The following TMEM54 variants were observed in gnomAD, a reference collection of about 807,000 sequenced individuals.
TMEM54 encodes beta-casein-like protein.
Under a neutral mutation model 21.3 loss-of-function variants are expected in TMEM54, and 21 were observed. The observed-to-expected ratio is 0.99, with a 90% CI of 0.70 to 1.42. The LOEUF is 1.42. TMEM54 is among the 40% of genes most tolerant of loss of function. TMEM54 has a pLI of 0.00. For synonymous variants in TMEM54, 109 were observed against 125.0 expected, an observed-to-expected ratio of 0.87 and a Z score of 0.86; for missense variants, 246 against 294.0, an observed-to-expected ratio of 0.84 and a Z score of 1.19.
chr1:32,896,157 ATG>A lies in TMEM54; in HGVS notation c.211-190_211-189del, dbSNP rs1158527364. 8 of 592,824 alleles carry A rather than the reference ATG, an allele frequency of 1.3e-5. No homozygotes were observed. The highest frequency in any genetic ancestry group is 2.3e-5 in the Non-Finnish European group (8 of 343,076). 36.7% of individuals were successfully genotyped at this position (592,824 alleles called of 1,614,324 possible). On this transcript the variant is annotated intron_variant, in intron 2 of 5. Coordinates refer to ENST00000373463, the MANE Select transcript of TMEM54 (RefSeq NM_033504.4). The surrounding 1 kb of genome is among the most constrained non-coding windows in gnomAD (Gnocchi z 4.1). ...CCTCCTCATAGTCCAGCCTGACATG[ATG>A]TTTCTAAAACAGTCACTCCCTCTCT...
chr1:32,895,932 C>T lies in TMEM54; in HGVS notation c.248G>A (p.Arg83His), dbSNP rs555739185. Residue 83 changes from arginine (R) to histidine (H), a missense_variant, in exon 3 of 6, where the codon CGC becomes CAC. Transcript: ENST00000373463. The surrounding 1 kb of genome is among the most constrained non-coding windows in gnomAD (Gnocchi z 5.8). ...TSGIAAIVLSRYLPSTPLRWT... is the reference protein window; with the variant it reads ...TSGIAAIVLSHYLPSTPLRWT... ...TACCAGGGGGGTGCTAGGGAGGTAGCGTGACAACACGATGGCTGCGATGCC... is the reference window on the plus strand; with the variant it reads ...TACCAGGGGGGTGCTAGGGAGGTAGTGTGACAACACGATGGCTGCGATGCC... 639 of 1,613,242 alleles carry T rather than the reference C, an allele frequency of 4.0e-4. 6 individuals are homozygous for T. The South Asian group carries it at 6.5e-3, about 16-fold the overall frequency.
intron 1 of TMEM54, among the ~76,000 whole-genome samples, chr1:32,899,892 A>G (rs1331680689): frequency 1.3e-5 from 2 of 152,194 alleles, no homozygotes; most frequent in Non-Finnish European, 2.9e-5. Flanking sequence ...GCATTGGTCC[A>G]GCCAGTGTCT....
At chr1:32,899,462 G>T (rs369222657) in intron 1 of TMEM54, among the ~76,000 whole-genome samples, 1 of 151,632 alleles carries the variant, frequency 6.6e-6, no homozygotes, top group African/African-American at 2.4e-5. Flanking sequence ...CACTTTGGGA[G>T]GGCAAGGTGG....
chr1:32,901,299 G>C lies in TMEM54; in HGVS notation c.-61C>G. 8 of 1,282,340 alleles carry C rather than the reference G, an allele frequency of 6.2e-6. No individual in the cohort carries two copies. Among genetic ancestry groups the C allele is most frequent in the Non-Finnish European group, 5.0e-6 (5 of 1,008,818 alleles). The allele number at this position is 1,282,340 out of a possible 1,614,324, so 79.4% of individuals were successfully genotyped here. A position where few individuals can be genotyped will look rare whatever the true frequency, so the allele number is the denominator to read the frequency against. On this transcript the variant is annotated 5_prime_UTR_variant, in exon 1 of 6. Transcript: ENST00000373463. This position sits in a 1 kb window ranked among gnomAD's most constrained non-coding sequence, Gnocchi z 4.2. Reference sequence around the variant, plus strand: ...GCGGCTCCCGAGGCTGCGGGCCGCCGGGGGACCCTGCTCCCATCCCGCTGG... The same window carrying C: ...GCGGCTCCCGAGGCTGCGGGCCGCCCGGGGACCCTGCTCCCATCCCGCTGG...
At position 32,898,102 on chromosome 1, in the gene TMEM54, ACCACCCTC is replaced by A. The variant is rs1362878519; in HGVS notation, c.210+16_210+23del. ...AGCCCCCTCCAGCCTCCTCCCACCA[ACCACCCTC>A]CCAGCCTGGCCATACCACGATGGCG... On this transcript the variant is annotated intron_variant, in intron 2 of 5. Coordinates refer to ENST00000373463, the MANE Select transcript of TMEM54 (RefSeq NM_033504.4). The A allele has an allele frequency of 9.5e-6, 15 of 1,575,594 alleles. No homozygotes were observed. The Admixed American group carries it at 1.9e-4, about 20-fold the overall frequency.
intron 1 of TMEM54, among the ~76,000 whole-genome samples, chr1:32,899,391 G>GAAAAAAAAAAAAAAA (rs11284140): frequency 8.1e-6 from 1 of 122,998 alleles, no homozygotes. Context: ...CTCTGCAGCT[G>GAAAAAAAAAAAAAAA]AAAAAAAAAA....
chr1:32,896,179 C>T lies in TMEM54; in HGVS notation c.211-210G>A, dbSNP rs1446671058. On this transcript the variant is annotated intron_variant, in intron 2 of 5. Coordinates refer to ENST00000373463, the MANE Select transcript of TMEM54 (RefSeq NM_033504.4). This position sits in a 1 kb window ranked among gnomAD's most constrained non-coding sequence, Gnocchi z 4.1. ...ATGATGTTTCTAAAACAGTCACTCCCTCTCTACAACCTTCCATGAGTCCCC... is the reference window on the plus strand; with the variant it reads ...ATGATGTTTCTAAAACAGTCACTCCTTCTCTACAACCTTCCATGAGTCCCC... The T allele has an allele frequency of 5.6e-6, 3 of 537,232 alleles. No homozygotes were observed. Among genetic ancestry groups the T allele is most frequent in the African/African-American group, 3.8e-5 (2 of 52,356 alleles). The allele number at this position is 537,232 out of a possible 1,614,324, so 33.3% of individuals were successfully genotyped here.
Position 32,897,916 on chromosome 1 carries a change from C to G in TMEM54, c.210+210G>C. On this transcript the variant is annotated intron_variant, in intron 2 of 5. Coordinates refer to ENST00000373463, the MANE Select transcript of TMEM54 (RefSeq NM_033504.4). This position sits in a 1 kb window ranked among gnomAD's most constrained non-coding sequence, Gnocchi z 4.9. The stretch of plus-strand genomic sequence containing the variant: ...TTTGTGTGGATGATCTCATCAGTAC[C>G]CATTAGGACCCTCAGAGGTAAACAC... The G allele has an allele frequency of 3.8e-6, 2 of 527,810 alleles. No individual in the cohort carries two copies. The highest frequency in any genetic ancestry group is 6.9e-6 in the Non-Finnish European group (2 of 291,896). 32.7% of individuals were successfully genotyped at this position (527,810 alleles called of 1,614,324 possible).
chr1:32,895,055 G>A lies in TMEM54; in HGVS notation c.595-176C>T. 1 of 898,800 alleles carries A rather than the reference G, an allele frequency of 1.1e-6. No homozygotes were observed. Among genetic ancestry groups the A allele is most frequent in the Non-Finnish European group, 1.3e-6 (1 of 750,954 alleles). The allele number at this position is 898,800 out of a possible 1,614,324, so 55.7% of individuals were successfully genotyped here. A position where few individuals can be genotyped will look rare whatever the true frequency, so the allele number is the denominator to read the frequency against. ...GACCTTTGCAATGCCCTCAGTGCGAGCCCAGACACCCCTGCCCCTCCCTCA... is the reference window on the plus strand; with the variant it reads ...GACCTTTGCAATGCCCTCAGTGCGAACCCAGACACCCCTGCCCCTCCCTCA... On this transcript the variant is annotated intron_variant, in intron 5 of 5. Transcript: ENST00000373463. The surrounding 1 kb of genome is among the most constrained non-coding windows in gnomAD (Gnocchi z 5.8).
At chr1:32,898,902 C>T (rs1235088362) in intron 1 of TMEM54, among the ~76,000 whole-genome samples, 2 of 152,142 alleles carry the variant, frequency 1.3e-5, no homozygotes, top group Non-Finnish European at 2.9e-5. Flanking sequence ...TCTGAATCTC[C>T]ATGTCCCCAT....
chr1:32,900,767 C>T (rs1641707797), intron 1 of TMEM54, among the ~76,000 whole-genome samples: 2 of 152,360 alleles, frequency 1.3e-5, no homozygotes, highest in Admixed American at 6.5e-5. Context: ...AGTCCCGCTC[C>T]CCCGCTGCTG....
Position 32,895,179 on chromosome 1 carries a change from G to A in TMEM54, c.594+126C>T. The A allele has an allele frequency of 7.3e-7, 1 of 1,367,208 alleles. No individual in the cohort carries two copies. Among genetic ancestry groups the A allele is most frequent in the Non-Finnish European group, 9.8e-7 (1 of 1,022,008 alleles). The allele number at this position is 1,367,208 out of a possible 1,614,324, so 84.7% of individuals were successfully genotyped here. On this transcript the variant is annotated intron_variant, in intron 5 of 5. Transcript: ENST00000373463. The surrounding 1 kb of genome is among the most constrained non-coding windows in gnomAD (Gnocchi z 5.8). ...CTCCAGGCCTCTCCCTTTGCTCCTG[G>A]GGAGAAAACTTCTGCCCCATTTCTC...
Position 32,901,174 on chromosome 1 carries a change from G to A in TMEM54, c.16+49C>T, listed in dbSNP as rs1381678764. 3.5e-6 allele frequency: 5 copies of A among 1,440,298 alleles called. No individual in the cohort carries two copies. The highest frequency in any genetic ancestry group is 1.4e-5 in the African/African-American group (1 of 69,124). The allele number at this position is 1,440,298 out of a possible 1,614,324, so 89.2% of individuals were successfully genotyped here. A position where few individuals can be genotyped will look rare whatever the true frequency, so the allele number is the denominator to read the frequency against. ...TCCGGGCTCAGTGCTCCGCTCCTGT[G>A]GGAGGGTTGGGGTGGTTCGGGGCCT... On this transcript the variant is annotated intron_variant, in intron 1 of 5. Transcript: ENST00000373463. This position sits in a 1 kb window ranked among gnomAD's most constrained non-coding sequence, Gnocchi z 4.2.
chr1:32,898,353 G>A (rs1163796899), intron 1 of TMEM54, 34 bp from the exon 2 acceptor site: 2 of 1,562,596 alleles, frequency 1.3e-6, no homozygotes, highest in African/African-American at 2.7e-5. Context: ...GCTGTGCGTG[G>A]GGCTTATCCT....
rs1224197591 is a variant in TMEM54, at chr1:32,894,882, G to GCAGAGACACAGGAGGCTGC, written c.595-22_595-4dup. The stretch of plus-strand genomic sequence containing the variant: ...ACCAGCTCTGGGTTCTCCCGCATCT[G>GCAGAGACACAGGAGGCTGC]CAGAGACACAGGAGGCTGCCAGACC... On this transcript the variant is annotated splice_region_variant and splice_polypyrimidine_tract_variant and intron_variant, in intron 5 of 5. Coordinates refer to ENST00000373463, the MANE Select transcript of TMEM54 (RefSeq NM_033504.4). 6.2e-7 allele frequency: 1 copy of GCAGAGACACAGGAGGCTGC among 1,608,890 alleles called. No individual in the cohort carries two copies.
chr1:32,900,135 A>G (rs563252045), intron 1 of TMEM54, among the ~76,000 whole-genome samples: 3 of 152,294 alleles, frequency 2.0e-5, no homozygotes, highest in East Asian at 1.9e-4. Flanking sequence ...GCTGGACTCA[A>G]TAACAACAGC....
chr1:32,898,543 C>A, intron 1 of TMEM54: 1 of 489,700 alleles, frequency 2.0e-6, no homozygotes, highest in South Asian at 4.1e-5. Context: ...GACAAGCACA[C>A]AGGTAGCTCT....
rs762393156 is a variant in TMEM54 at position 32,895,588 on chromosome 1, TG to T, written c.425del (p.Ala142AspfsTer23). 8 of 1,586,028 alleles carry T rather than the reference TG, an allele frequency of 5.0e-6. No individual in the cohort carries two copies. The South Asian group carries it at 8.0e-5, about 16-fold the overall frequency. On this transcript the variant is annotated frameshift_variant, in exon 4 of 6. Coordinates refer to ENST00000373463, the MANE Select transcript of TMEM54 (RefSeq NM_033504.4). LOFTEE classifies it high-confidence loss of function. This position sits in a 1 kb window ranked among gnomAD's most constrained non-coding sequence, Gnocchi z 5.8. ...GTGTGGGGTCGAAGGGACAGTCAGG[TG>T]CGAGGGCCAGTAGTTCAGAGCTCCC... is the stretch of plus-strand genomic sequence containing the variant. Reference protein sequence around the residue: ...TFGSSELLALAPDCPFDPTRI... With the variant: ...TFGSSELLALXPDCPFDPTRI...
Position 32,898,308 on chromosome 1 carries a change from C to T in TMEM54, c.28G>A (p.Val10Met). Residue 10 changes from valine (V) to methionine (M), a missense_variant, in exon 2 of 6, where the codon GTG becomes ATG. Coordinates refer to ENST00000373463, the MANE Select transcript of TMEM54 (RefSeq NM_033504.4). ...ATCAGCACCTTCCGGAAGTCGCCCA[C>T]ACTCAGGCCTCCTGTGGGGGACAGC... MCLRLGGLS[V>M]GDFRKVLMKT... 1 of 1,601,568 alleles carries T rather than the reference C, an allele frequency of 6.2e-7. No homozygotes were observed. Among genetic ancestry groups the T allele is most frequent in the Non-Finnish European group, 8.5e-7 (1 of 1,169,620 alleles).
Sources: gnomAD v4.1 joint callset for allele counts (sites outside exome capture counted in the v4.1 genomes callset) on GRCh38, gnomAD v4.1.1 for gene constraint, Gnocchi (gnomAD v3.1) non-coding constraint, MANE v1.5 for transcripts, NCBI Gene and HGNC (gene_info 2026-07-23, HGNC 2026-07-21) for gene names.